Variants in MLLT3 observed in about 807,000 individuals in gnomAD.
MLLT3 encodes protein AF-9.
Under a neutral mutation model 53.2 loss-of-function variants are expected in MLLT3, and 4 were observed. The ratio of observed to expected loss-of-function variants is 0.08; its 90% confidence interval spans 0.04 to 0.17. The LOEUF (loss-of-function observed/expected upper bound fraction) is 0.17, where lower values mean the gene tolerates loss of function less well. Among genes scored for constraint, MLLT3 ranks in the 10% least tolerant of loss-of-function variants. MLLT3 has a pLI of 1.00. For synonymous variants in MLLT3, 283 were observed against 230.6 expected (o/e 1.23, Z -2.06); for missense variants, 569 against 684.0 (o/e 0.83, Z 1.87).
intron 2 of MLLT3, among the ~76,000 whole-genome samples, chr9:20,463,756 T>C (rs1824168985): frequency 6.6e-6 from 1 of 152,146 alleles, no homozygotes; most frequent in South Asian, 2.1e-4. Flanking sequence ...ATAATACAAA[T>C]GGAAAAATCT....
At chr9:20,354,735 G>A in intron 9 of MLLT3, 73 bp downstream of exon 9, 1 of 982,780 alleles carries the variant, frequency 1.0e-6, no homozygotes, top group South Asian at 1.3e-5. Context: ...CAGCAAGGAT[G>A]ATCAAGGGCA....
chr9:20,409,574 A>T (rs1341460373), intron 5 of MLLT3, among the ~76,000 whole-genome samples: 1 of 152,194 alleles, frequency 6.6e-6, no homozygotes, highest in East Asian at 1.9e-4. Context: ...CCCCAAAGAG[A>T]TGAACTCCTA....
At chr9:20,372,066 CTAGAAT>C (rs1563940600) in intron 5 of MLLT3, among the ~76,000 whole-genome samples, 2 of 152,094 alleles carry the variant, frequency 1.3e-5, no homozygotes, top group Non-Finnish European at 2.9e-5. Flanking sequence ...AGCAAGATAA[CTAGAAT>C]TAGAAGTGGA....
rs1821915970 is a variant in MLLT3, at chr9:20,381,854, T to C, written c.1126-16110A>G. On this transcript the variant is annotated intron_variant, in intron 5 of 10. Transcript: ENST00000380338. ...ATAATTAAGAAAAATGTAAGAACAATATTATTCTGAAAGAAGATTCATTTC... is the reference window on the plus strand; with the variant it reads ...ATAATTAAGAAAAATGTAAGAACAACATTATTCTGAAAGAAGATTCATTTC... Among the ~76,000 whole-genome samples, 3 of 151,874 alleles carry C rather than the reference T, an allele frequency of 2.0e-5. No individual in the cohort carries two copies. In the South Asian group the frequency reaches 6.2e-4, roughly 31 times the overall value.
chr9:20,374,619 A>C (rs1026874768), intron 5 of MLLT3, among the ~76,000 whole-genome samples: 1 of 152,242 alleles, frequency 6.6e-6, no homozygotes, highest in African/African-American at 2.4e-5. Flanking sequence ...AATCAAGAGA[A>C]ATTTTATTAT....
At chr9:20,537,270 T>C (rs1818513063) in intron 2 of MLLT3, among the ~76,000 whole-genome samples, 1 of 152,210 alleles carries the variant, frequency 6.6e-6, no homozygotes, top group African/African-American at 2.4e-5. Context: ...ACATACAGAA[T>C]AGAATGTATT....
rs145162410 is a variant in MLLT3 at position 20,427,267 on chromosome 9, G to A, written c.421-12842C>T. ...CAAGCAATAAGAAATTAATAAGAAT[G>A]ACTGGGCCACTGAAAAGAAACAAAT... On this transcript the variant is annotated intron_variant, in intron 4 of 10. Transcript: ENST00000380338. Among the ~76,000 whole-genome samples the A allele has an allele frequency of 2.7e-5, 4 of 149,824 alleles. No individual in the cohort carries two copies. In the South Asian group the frequency reaches 6.3e-4, roughly 24 times the overall value.
chr9:20,580,975 G>C (rs1819778121), intron 2 of MLLT3, among the ~76,000 whole-genome samples: 1 of 152,152 alleles, frequency 6.6e-6, no homozygotes. Flanking sequence ...TGCATGCCAA[G>C]CTACACTGCA....
At chr9:20,607,921 T>C (rs1820608791) in intron 2 of MLLT3, among the ~76,000 whole-genome samples, 1 of 151,990 alleles carries the variant, frequency 6.6e-6, no homozygotes, top group Non-Finnish European at 1.5e-5. Context: ...AAACATAAAA[T>C]TATGTACTAA....
intron 2 of MLLT3, among the ~76,000 whole-genome samples, chr9:20,614,832 G>A (rs1432780738): frequency 6.6e-6 from 1 of 152,080 alleles, no homozygotes; most frequent in African/African-American, 2.4e-5. Context: ...TAAATGACTA[G>A]AAAGGCAAGA....
intron 8 of MLLT3, among the ~76,000 whole-genome samples, chr9:20,360,470 A>G (rs1447796012): frequency 6.6e-6 from 1 of 152,190 alleles, no homozygotes; most frequent in Non-Finnish European, 1.5e-5. Flanking sequence ...AGAAATCAGG[A>G]GTAAATGGTA....
chr9:20,351,523 C>T (rs1364751089), intron 10 of MLLT3, among the ~76,000 whole-genome samples: 2 of 152,240 alleles, frequency 1.3e-5, no homozygotes, highest in African/African-American at 4.8e-5. Flanking sequence ...GGAACACAGG[C>T]TCCTTGATCC....
chr9:20,585,920 A>T (rs535307607), intron 2 of MLLT3, among the ~76,000 whole-genome samples: 1 of 152,188 alleles, frequency 6.6e-6, no homozygotes, highest in Non-Finnish European at 1.5e-5. Context: ...AATAAGAATC[A>T]CCAATGGTCA....
At position 20,621,918 on chromosome 9, in the gene MLLT3, T is replaced by A; in HGVS notation, c.12+327A>T. ...TCCTTCCACCGTGTGTGTGTGTGTG[T>A]GTGAGTGCGCGCGTGTGAGCGAGAG... On this transcript the variant is annotated intron_variant, in intron 1 of 10. Coordinates refer to ENST00000380338, the MANE Select transcript of MLLT3 (RefSeq NM_004529.4). This position sits in a 1 kb window ranked among gnomAD's most constrained non-coding sequence, Gnocchi z 7.0. 1.4e-6 allele frequency: 2 copies of A among 1,382,744 alleles called. No homozygotes were observed. Among genetic ancestry groups the A allele is most frequent in the East Asian group, 3.0e-5 (1 of 33,840 alleles). 85.7% of individuals were successfully genotyped at this position (1,382,744 alleles called of 1,614,324 possible). A position where few individuals can be genotyped will look rare whatever the true frequency, so the allele number is the denominator to read the frequency against.
At chr9:20,556,232 C>T (rs952754931) in intron 2 of MLLT3, among the ~76,000 whole-genome samples, 5 of 151,896 alleles carry the variant, frequency 3.3e-5, no homozygotes, top group Non-Finnish European at 5.9e-5. Context: ...AACTCCATTC[C>T]ACAAATGGAA....
At chr9:20,379,388 C>T (rs1020840265) in intron 5 of MLLT3, among the ~76,000 whole-genome samples, 3 of 151,932 alleles carry the variant, frequency 2.0e-5, no homozygotes, top group African/African-American at 4.8e-5. Flanking sequence ...TTTAGATTGT[C>T]CCCCAAAAGC....
intron 5 of MLLT3, among the ~76,000 whole-genome samples, chr9:20,376,549 A>G (rs1821770531): frequency 6.6e-6 from 1 of 152,064 alleles, no homozygotes. Context: ...TACCTTTACT[A>G]TTATTATTAA....
intron 2 of MLLT3, among the ~76,000 whole-genome samples, chr9:20,551,116 G>A (rs1451322298): frequency 1.3e-5 from 2 of 152,190 alleles, no homozygotes; most frequent in Non-Finnish European, 2.9e-5. Context: ...TACTCATCGT[G>A]AAAATCAAGT....
rs1478169260 is a variant in MLLT3 at position 20,414,317 on chromosome 9, T to C, written c.529A>G (p.Ser177Gly). 9 of 1,605,646 alleles carry C rather than the reference T, an allele frequency of 5.6e-6. No homozygotes were observed. Among genetic ancestry groups the C allele is most frequent in the Middle Eastern group, 1.9e-4 (1 of 5,204 alleles). ...SSSSSSSSSS[S>G]SSSSSSSSSS... ...CTGCTGCTACTGCTGCTGCTACTGC[T>C]GCTGCTGCTGCTGCTGCTGCTGCTG... Residue 177 changes from serine to glycine, a missense_variant, in exon 5 of 11, where the codon AGC (serine) becomes GGC (glycine). Around this residue, in one of 5 missense-constraint regions of MLLT3, gnomAD observed 437 missense variants for 376.5 expected, o/e 1.16. Coordinates refer to ENST00000380338, the MANE Select transcript of MLLT3 (RefSeq NM_004529.4).
Sources: allele counts gnomAD v4.1 joint callset (sites outside exome capture counted in the v4.1 genomes callset), GRCh38; gene constraint gnomAD v4.1.1; regional missense constraint gnomAD v4.1.1; non-coding constraint Gnocchi (gnomAD v3.1); transcripts MANE v1.5; gene names NCBI Gene and HGNC (gene_info 2026-07-23, HGNC 2026-07-21).